ARL15: variants seen among roughly 807,000 people sequenced by gnomAD.
ARL15 encodes the protein ADP-ribosylation factor-like protein 15.
Under a neutral mutation model 25.2 loss-of-function variants are expected in ARL15, and 19 were observed. The observed-to-expected ratio is 0.75, with a 90% CI of 0.53 to 1.10. ARL15 has a LOEUF of 1.10. Among genes scored for constraint, ARL15 ranks in the 50% least tolerant of loss-of-function variants. ARL15 has a pLI of 0.00. For missense variants in ARL15, 220 were observed against 246.0 expected, an observed-to-expected ratio of 0.89 and a Z score of 0.71; for synonymous variants, 94 against 86.8, an observed-to-expected ratio of 1.08 and a Z score of -0.46.
At chr5:54,281,289 G>A (rs537351873) in intron 1 of ARL15, among the ~76,000 whole-genome samples, 79 of 152,120 alleles carry the variant, frequency 5.2e-4, no homozygotes, top group African/African-American at 1.9e-3. Context: ...ACAGGCGCCC[G>A]CCACCACGCC....
At chr5:54,288,807 T>C (rs250387) in intron 1 of ARL15, among the ~76,000 whole-genome samples, 45,005 of 151,924 alleles carry the variant, frequency 0.3, 7,656 homozygotes, top group African/African-American at 0.48. Flanking sequence ...ACATATAAGG[T>C]TTTTCCCTCA....
intron 4 of ARL15, among the ~76,000 whole-genome samples, chr5:53,958,174 ACT>A (rs1358850278): frequency 1.3e-5 from 2 of 150,952 alleles, no homozygotes; most frequent in Non-Finnish European, 3.0e-5. Context: ...TGTGCCACTG[ACT>A]CTGTCTCAAA....
At chr5:53,906,126 G>A (rs1745243710) in intron 4 of ARL15, among the ~76,000 whole-genome samples, 1 of 152,158 alleles carries the variant, frequency 6.6e-6, no homozygotes, top group African/African-American at 2.4e-5. Context: ...GTCAATTATA[G>A]TTTTCATAAA....
intron 4 of ARL15, among the ~76,000 whole-genome samples, chr5:53,916,293 T>TCAAA (rs5867901): frequency 7.0e-6 from 1 of 141,912 alleles, no homozygotes; most frequent in African/African-American, 2.6e-5. Flanking sequence ...AATGTAATAT[T>TCAAA]AAAAAAAAAA....
intron 4 of ARL15, among the ~76,000 whole-genome samples, chr5:53,995,777 G>C (rs1343552978): frequency 5.3e-5 from 8 of 152,132 alleles, no homozygotes; most frequent in Non-Finnish European, 1.2e-4. Flanking sequence ...CAAAATGCTA[G>C]CAGTGACCCC....
At chr5:54,274,037 G>A (rs1284518102) in intron 1 of ARL15, among the ~76,000 whole-genome samples, 3 of 152,350 alleles carry the variant, frequency 2.0e-5, no homozygotes, top group African/African-American at 4.8e-5. Context: ...TAATGACAGA[G>A]AGGTGAGGCA....
intron 4 of ARL15, among the ~76,000 whole-genome samples, chr5:53,903,118 A>T (rs1157302757): frequency 1.3e-5 from 2 of 152,168 alleles, no homozygotes; most frequent in African/African-American, 4.8e-5. Context: ...TTAGCCAAAA[A>T]ATCCCACACA....
intron 4 of ARL15, among the ~76,000 whole-genome samples, chr5:54,001,225 A>C (rs1748840852): frequency 6.6e-6 from 1 of 152,118 alleles, no homozygotes; most frequent in African/African-American, 2.4e-5. Flanking sequence ...CCTCCCTTTT[A>C]TTCATTTCCT....
At chr5:54,206,418 A>G (rs1755869173) in intron 1 of ARL15, among the ~76,000 whole-genome samples, 1 of 152,176 alleles carries the variant, frequency 6.6e-6, no homozygotes, top group South Asian at 2.1e-4. Context: ...TCAGAAATGC[A>G]TGTTTAAATA....
intron 4 of ARL15, among the ~76,000 whole-genome samples, chr5:54,035,233 C>T (rs1051307311): frequency 2.0e-5 from 3 of 152,040 alleles, no homozygotes; most frequent in Admixed American, 1.3e-4. Context: ...GTTTGTTAAA[C>T]TCACATTAAG....
chr5:53,942,217 G>C (rs1003021864), intron 4 of ARL15, among the ~76,000 whole-genome samples: 1 of 151,712 alleles, frequency 6.6e-6, no homozygotes, highest in African/African-American at 2.4e-5. Flanking sequence ...GGTGGGTGGG[G>C]AAGAGAGGGA....
At chr5:54,029,080 T>C (rs962907746) in intron 4 of ARL15, among the ~76,000 whole-genome samples, 1 of 151,432 alleles carries the variant, frequency 6.6e-6, no homozygotes, top group Non-Finnish European at 1.5e-5. Flanking sequence ...AGGCTGCAAA[T>C]AGTTGTTTTA....
intron 4 of ARL15, among the ~76,000 whole-genome samples, chr5:54,026,633 A>G (rs921805129): frequency 2.0e-5 from 3 of 152,166 alleles, no homozygotes; most frequent in Non-Finnish European, 2.9e-5. Flanking sequence ...TTTTCTTGAG[A>G]TTGTAAGGAG....
At chr5:54,263,375 A>G (rs984388103) in intron 1 of ARL15, among the ~76,000 whole-genome samples, 1 of 152,242 alleles carries the variant, frequency 6.6e-6, no homozygotes, top group African/African-American at 2.4e-5. Flanking sequence ...GACACAATGA[A>G]GCAACTTTTG....
chr5:54,162,371 C>T (rs1754430938), intron 2 of ARL15, among the ~76,000 whole-genome samples: 7 of 152,132 alleles, frequency 4.6e-5, no homozygotes, highest in Admixed American at 4.6e-4. Context: ...CATATTGAAC[C>T]TTATCTTTCT....
Position 54,185,054 on chromosome 5 carries a change from G to A in ARL15, c.49-13126C>T, listed in dbSNP as rs149886147. The stretch of plus-strand genomic sequence containing the variant: ...GATCTGACCTTTGCCTTCATTTCTG[G>A]CATCCAATAGTTGTTATGGGGACCA... On this transcript the variant is annotated intron_variant, in intron 1 of 4. Transcript: ENST00000504924. Among the ~76,000 whole-genome samples the A allele has an allele frequency of 3.0e-4, 46 of 152,152 alleles. No individual in the cohort carries two copies. In the East Asian group the frequency reaches 8.7e-3, roughly 29 times the overall value.
intron 4 of ARL15, among the ~76,000 whole-genome samples, chr5:54,019,597 A>C (rs1035020225): frequency 1.3e-5 from 2 of 152,236 alleles, no homozygotes; most frequent in Non-Finnish European, 2.9e-5. Flanking sequence ...TGTATTTACA[A>C]ATTTTCAAAT....
At chr5:53,903,780 C>G (rs1231378411) in intron 4 of ARL15, among the ~76,000 whole-genome samples, 2 of 152,058 alleles carry the variant, frequency 1.3e-5, no homozygotes, top group Non-Finnish European at 2.9e-5. Context: ...TCTTGGGGGG[C>G]CAAGTCAGTA....
intron 4 of ARL15, among the ~76,000 whole-genome samples, chr5:54,108,180 T>C (rs1270652902): frequency 6.6e-6 from 1 of 152,180 alleles, no homozygotes; most frequent in East Asian, 1.9e-4. Context: ...TTTCTCTTGA[T>C]AAATATTTTC....
Sources: allele counts gnomAD v4.1 joint callset (sites outside exome capture counted in the v4.1 genomes callset), GRCh38; gene constraint gnomAD v4.1.1; transcripts MANE v1.5; gene names NCBI Gene and HGNC (gene_info 2026-07-23, HGNC 2026-07-21).